Variants in PARD3B observed in about 807,000 individuals in gnomAD.
PARD3B encodes partitioning defective 3 homolog B.
PARD3B carries 103 observed loss-of-function variants against 130.2 expected under a neutral mutation model. That is an observed-to-expected ratio of 0.79 (90% CI 0.67 to 0.93). The LOEUF is 0.93. PARD3B is among the 40% of genes least tolerant of loss of function. PARD3B has a pLI of 0.00. For synonymous variants in PARD3B, 583 were observed against 553.2 expected (o/e 1.05, Z -0.76); for missense variants, 1,609 against 1,499.2 (o/e 1.07, Z -1.21).
chr2:205,204,460 C>A (rs1011611550), intron 15 of PARD3B, among the ~76,000 whole-genome samples: 3 of 152,246 alleles, frequency 2.0e-5, no homozygotes, highest in African/African-American at 7.2e-5. Flanking sequence ...TTAATTAGAT[C>A]CCATTTGTCA....
At chr2:205,417,087 A>AC (rs1206301964) in intron 19 of PARD3B, among the ~76,000 whole-genome samples, 9 of 59,166 alleles carry the variant, frequency 1.5e-4, no homozygotes, top group African/African-American at 5.1e-4. Flanking sequence ...CCCTCCCCCC[A>AC]CCCCCCGGCA....
rs193260109 is a variant in PARD3B at position 205,590,044 on chromosome 2, T to G, written c.3261-25412T>G. On this transcript the variant is annotated intron_variant, in intron 22 of 22. Coordinates refer to ENST00000406610, the MANE Select transcript of PARD3B (RefSeq NM_001302769.2). This position sits in a 1 kb window ranked among gnomAD's most constrained non-coding sequence, Gnocchi z 4.1. ...CCACTGGCTCTTTCTAAGTATTTTA[T>G]CCTCTAGTACTTACATTCATACCTA... is the stretch of plus-strand genomic sequence containing the variant. 1.5e-4 allele frequency among the ~76,000 whole-genome samples: 22 copies of G among 150,680 alleles called. No individual in the cohort carries two copies. The highest frequency in any genetic ancestry group is 5.3e-4 in the African/African-American group (21 of 39,950).
chr2:205,219,896 C>G (rs2038149168), intron 15 of PARD3B, among the ~76,000 whole-genome samples: 1 of 152,106 alleles, frequency 6.6e-6, no homozygotes, highest in Admixed American at 6.6e-5. Context: ...AATGTAAGCC[C>G]TGCACATGAT....
At chr2:205,323,674 A>C (rs2042836715) in intron 18 of PARD3B, among the ~76,000 whole-genome samples, 1 of 152,162 alleles carries the variant, frequency 6.6e-6, no homozygotes, top group Non-Finnish European at 1.5e-5. Flanking sequence ...TTAGCCCTGA[A>C]GGATACAAAT....
intron 1 of PARD3B, among the ~76,000 whole-genome samples, chr2:204,671,470 C>A (rs1461430344): frequency 6.6e-6 from 1 of 152,142 alleles, no homozygotes; most frequent in African/African-American, 2.4e-5. Flanking sequence ...GGTCTCCAGA[C>A]CCTGTCGAAG....
intron 2 of PARD3B, among the ~76,000 whole-genome samples, chr2:204,687,342 CTA>C (rs1160916955): frequency 6.6e-6 from 1 of 152,004 alleles, no homozygotes; most frequent in Non-Finnish European, 1.5e-5. Flanking sequence ...ATTTTATAGT[CTA>C]TTTAGGGAGA....
intron 3 of PARD3B, among the ~76,000 whole-genome samples, chr2:205,041,739 A>G (rs1698409526): frequency 6.6e-6 from 1 of 152,062 alleles, no homozygotes; most frequent in East Asian, 1.9e-4. Flanking sequence ...TTAAATAAAT[A>G]AATCCCTGCT....
At chr2:204,578,418 G>T (rs1242373650) in intron 1 of PARD3B, among the ~76,000 whole-genome samples, 1 of 152,102 alleles carries the variant, frequency 6.6e-6, no homozygotes, top group African/African-American at 2.4e-5. Flanking sequence ...TGGAGTGTGT[G>T]TCTATGGGCA....
intron 3 of PARD3B, among the ~76,000 whole-genome samples, chr2:204,987,875 T>C (rs1184795835): frequency 1.3e-5 from 2 of 152,126 alleles, no homozygotes; most frequent in African/African-American, 4.8e-5. Context: ...AATTCATGGG[T>C]TTGTCACTCT....
intron 2 of PARD3B, among the ~76,000 whole-genome samples, chr2:204,905,160 C>T (rs1004608063): frequency 6.6e-6 from 1 of 152,172 alleles, no homozygotes; most frequent in South Asian, 2.1e-4. Context: ...TAATATATAG[C>T]AGTACTTAAG....
intron 2 of PARD3B, among the ~76,000 whole-genome samples, chr2:204,811,709 T>C (rs967040006): frequency 6.6e-5 from 10 of 152,196 alleles, no homozygotes; most frequent in African/African-American, 9.7e-5. Flanking sequence ...TTTCAAAATA[T>C]GCAGTTGTTA....
In PARD3B at chr2:205,262,820, A is replaced by C. The variant is rs542437543; in HGVS notation, c.2185+16998A>C. On this transcript the variant is annotated intron_variant, in intron 16 of 22. Coordinates refer to ENST00000406610, the MANE Select transcript of PARD3B (RefSeq NM_001302769.2). The stretch of plus-strand genomic sequence containing the variant: ...CAACACCTGCAAAGAGGGACAACTC[A>C]GAGGGTCCATTTATTGCTTTACATT... Among the ~76,000 whole-genome samples the C allele has an allele frequency of 7.2e-5, 11 of 152,272 alleles. No individual in the cohort carries two copies. In the South Asian group the frequency reaches 2.3e-3, roughly 32 times the overall value.
In PARD3B at chr2:205,617,254, G is replaced by T. The variant is rs191125021; in HGVS notation, c.*1441G>T. 6.6e-6 allele frequency: 1 copy of T among 152,560 alleles called. No homozygotes were observed. Among genetic ancestry groups the T allele is most frequent in the African/African-American group, 2.4e-5 (1 of 41,556 alleles). 9.5% of individuals were successfully genotyped at this position (152,560 alleles called of 1,614,324 possible). A position where few individuals can be genotyped will look rare whatever the true frequency, so the allele number is the denominator to read the frequency against. On this transcript the variant is annotated 3_prime_UTR_variant, in exon 23 of 23. Transcript: ENST00000406610. ...CCAAATGAGAACACAAGCAAAAGAT[G>T]TGGAAGACAGCAAAACCTGAGCACT... is the stretch of plus-strand genomic sequence containing the variant.
chr2:205,598,273 G>GT (rs1235257316), intron 22 of PARD3B, among the ~76,000 whole-genome samples: 1 of 151,904 alleles, frequency 6.6e-6, no homozygotes, highest in Non-Finnish European at 1.5e-5. Context: ...GGCGAAAGAT[G>GT]TATCTTGCAA....
intron 2 of PARD3B, among the ~76,000 whole-genome samples, chr2:204,867,337 A>G (rs955416829): frequency 5.3e-5 from 8 of 152,168 alleles, no homozygotes; most frequent in African/African-American, 1.7e-4. Flanking sequence ...AACACCTTCA[A>G]TTCTCAAATT....
intron 2 of PARD3B, among the ~76,000 whole-genome samples, chr2:204,955,821 A>G (rs1264084582): frequency 6.6e-6 from 1 of 152,214 alleles, no homozygotes; most frequent in Non-Finnish European, 1.5e-5. Context: ...GTTGACATAT[A>G]GGTAGGGACA....
At chr2:204,707,941 G>C (rs2038256002) in intron 2 of PARD3B, among the ~76,000 whole-genome samples, 1 of 152,032 alleles carries the variant, frequency 6.6e-6, no homozygotes, top group African/African-American at 2.4e-5. Context: ...CCCTGGCATG[G>C]GAGTCTGGAG....
chr2:204,828,093 A>G (rs2043660224), intron 2 of PARD3B, among the ~76,000 whole-genome samples: 2 of 152,148 alleles, frequency 1.3e-5, no homozygotes, highest in Admixed American at 6.5e-5. Flanking sequence ...CAAAGGAAGA[A>G]TGTCATTTCC....
chr2:204,951,454 G>C (rs1689762460), intron 2 of PARD3B, among the ~76,000 whole-genome samples: 1 of 152,044 alleles, frequency 6.6e-6, no homozygotes, highest in Non-Finnish European at 1.5e-5. Context: ...TCTCCTAACT[G>C]TATTACCATC....
Sources: gnomAD v4.1 joint callset for allele counts (sites outside exome capture counted in the v4.1 genomes callset) on GRCh38, gnomAD v4.1.1 for gene constraint, Gnocchi (gnomAD v3.1) non-coding constraint, MANE v1.5 for transcripts, NCBI Gene and HGNC (gene_info 2026-07-23, HGNC 2026-07-21) for gene names.